CCDC80: variants seen among roughly 807,000 people sequenced by gnomAD.
CCDC80 encodes the protein coiled-coil domain-containing protein 80.
A neutral mutation model predicts 78.7 loss-of-function variants in CCDC80; 49 were observed. The observed-to-expected ratio is 0.62, with a 90% CI of 0.50 to 0.79. The LOEUF (loss-of-function observed/expected upper bound fraction) is 0.79. CCDC80 is among the 30% of genes least tolerant of loss of function. The probability of loss-of-function intolerance (pLI) is 0.00; values close to 1 mark genes in which losing one functional copy is unlikely to be tolerated. For synonymous variants in CCDC80, 488 were observed against 447.0 expected (o/e 1.09, Z -1.16); for missense variants, 1,205 against 1,198.6 (o/e 1.01, Z -0.08).
chr3:112,607,328 A>T, intron 6 of CCDC80, 72 bp from the exon 7 acceptor site: 1 of 1,069,540 alleles, frequency 9.3e-7, no homozygotes, highest in Non-Finnish European at 1.4e-6. Context: ...AAGCCCTGAT[A>T]TCTGACAATT....
Position 112,599,092 on chromosome 3 carries a change from G to C in CCDC80, c.*6325C>G, listed in dbSNP as rs1935332224. ...CAAATGTCACAAACTTAGGAACTTA[G>C]GTATCTAGTCTTCTCTGTCATTTTG... On this transcript the variant is annotated 3_prime_UTR_variant, in exon 8 of 8. Coordinates refer to ENST00000206423, the MANE Select transcript of CCDC80 (RefSeq NM_199511.3). The C allele has an allele frequency of 2.0e-5, 3 of 152,124 alleles. No homozygotes were observed. The highest frequency in any genetic ancestry group is 1.3e-4 in the Admixed American group (2 of 15,266). 9.4% of individuals were successfully genotyped at this position (152,124 alleles called of 1,614,324 possible). A position where few individuals can be genotyped will look rare whatever the true frequency, so the allele number is the denominator to read the frequency against.
chr3:112,608,354 A>T (rs1259688731), intron 6 of CCDC80, among the ~76,000 whole-genome samples: 8 of 151,734 alleles, frequency 5.3e-5, no homozygotes, highest in African/African-American at 9.7e-5. Context: ...ATTCAAAAAA[A>T]TTTTTTTTTC....
In CCDC80 at chr3:112,638,519, A is replaced by G. The variant is rs937115514; in HGVS notation, c.1387T>C (p.Phe463Leu). The change falls in exon 2 of 8, where the codon TTC (phenylalanine) becomes CTC (leucine). Residue 463 changes from phenylalanine (F) to leucine (L), a missense_variant. Physicochemically the swap from Phe to Leu is conservative, Grantham distance 22. Transcript: ENST00000206423. ...CGCCTGTCCATGCGGTTGTCCCGGAAACGGCCTGGGCCAGCAGCCCTTGTG... is the reference window on the plus strand; with the variant it reads ...CGCCTGTCCATGCGGTTGTCCCGGAGACGGCCTGGGCCAGCAGCCCTTGTG... Reference protein sequence around the residue: ...PSTRAAGPGRFRDNRMDRREH... With the variant: ...PSTRAAGPGRLRDNRMDRREH... 2 of 1,613,794 alleles carry G rather than the reference A, an allele frequency of 1.2e-6. No individual in the cohort carries two copies. Among genetic ancestry groups the G allele is most frequent in the Non-Finnish European group, 1.7e-6 (2 of 1,179,932 alleles).
At chr3:112,613,184 G>A (rs985773751) in intron 5 of CCDC80, among the ~76,000 whole-genome samples, 4 of 152,146 alleles carry the variant, frequency 2.6e-5, no homozygotes, top group Non-Finnish European at 4.4e-5. Flanking sequence ...CTAGTAAATA[G>A]AGGAACCTGG....
At chr3:112,627,272 A>G (rs377458650) in intron 3 of CCDC80, among the ~76,000 whole-genome samples, 8 of 152,214 alleles carry the variant, frequency 5.3e-5, no homozygotes, top group African/African-American at 1.9e-4. Context: ...ATCACTAACA[A>G]GAAAGAATGC....
rs1424479235 is a variant in CCDC80 at position 112,638,344 on chromosome 3, T to G, written c.1562A>C (p.Glu521Ala). The part of the protein sequence containing the change: ...DLSRPTASQL[E>A]DELQVGNVPL... ...AACATTCCCCACCTGCAGCTCGTCCTCCAGCTGAGAGGCAGTAGGCCGGCT... is the reference window on the plus strand; with the variant it reads ...AACATTCCCCACCTGCAGCTCGTCCGCCAGCTGAGAGGCAGTAGGCCGGCT... The change falls in exon 2 of 8, where the codon GAG (glutamate) becomes GCG (alanine). Residue 521 changes from glutamate (E) to alanine (A), a missense_variant. Physicochemically the swap from Glu to Ala is moderately radical, Grantham distance 107. Transcript: ENST00000206423. 1.2e-6 allele frequency: 2 copies of G among 1,614,068 alleles called. No individual in the cohort carries two copies. Among genetic ancestry groups the G allele is most frequent in the Non-Finnish European group, 1.7e-6 (2 of 1,180,040 alleles).
intron 6 of CCDC80, among the ~76,000 whole-genome samples, chr3:112,608,568 C>T (rs1935559707): frequency 6.6e-6 from 1 of 152,068 alleles, no homozygotes; most frequent in Non-Finnish European, 1.5e-5. Flanking sequence ...GATAAAGTAC[C>T]ACCAAATAGC....
Position 112,639,642 on chromosome 3 carries a change from T to C in CCDC80, c.264A>G (p.Pro88=), listed in dbSNP as rs545828720. Reference sequence around the variant, plus strand: ...TGTCCGAGCGGGCTGGCGGCTCTGTTGGGCGAGCTAGTCTCAACACGGGCA... The same window carrying C: ...TGTCCGAGCGGGCTGGCGGCTCTGTCGGGCGAGCTAGTCTCAACACGGGCA... ...RSVPVLRLAR[P]TEPPARSDIN... The change falls in exon 2 of 8, where the codon CCA becomes CCG. Residue 88 remains proline (P), a synonymous_variant. Coordinates refer to ENST00000206423, the MANE Select transcript of CCDC80 (RefSeq NM_199511.3). 4 of 1,614,120 alleles carry C rather than the reference T, an allele frequency of 2.5e-6. No homozygotes were observed. The highest frequency in any genetic ancestry group is 2.2e-5 in the South Asian group (2 of 91,078).
In CCDC80 at chr3:112,638,173, T is replaced by C; in HGVS notation, c.1733A>G (p.Gln578Arg). The C allele has an allele frequency of 6.2e-7, 1 of 1,613,964 alleles. No homozygotes were observed. The highest frequency in any genetic ancestry group is 8.5e-7 in the Non-Finnish European group (1 of 1,179,826). Reference protein sequence around the residue: ...QMKKSEKKSKQEKEKSKKKKG... With the variant: ...QMKKSEKKSKREKEKSKKKKG... ...TTTCTTCTTGCTCTTCTCTTTCTCT[T>C]GCTTGCTCTTTTTCTCAGACTTCTT... Residue 578 changes from glutamine (Q) to arginine (R), a missense_variant, in exon 2 of 8, where the codon CAA (glutamine) becomes CGA (arginine). By Grantham distance (43) the Gln-to-Arg change is conservative. Transcript: ENST00000206423.
intron 3 of CCDC80, 91 bp from the exon 4 acceptor site, chr3:112,619,195 C>T: frequency 8.4e-7 from 1 of 1,193,142 alleles, no homozygotes; most frequent in South Asian, 1.9e-5. Flanking sequence ...CCTAATCACA[C>T]CAGCCTTCAT....
At chr3:112,607,021 C>G (rs1047763125) in intron 7 of CCDC80, 155 bp downstream of exon 7, 42 of 551,696 alleles carry the variant, frequency 7.6e-5, no homozygotes, top group African/African-American at 7.5e-4. Flanking sequence ...ATATCCCGTG[C>G]ACACACAGGC....
At position 112,616,722 on chromosome 3, in the gene CCDC80, T is replaced by A. The variant is rs1234050824; in HGVS notation, c.2309A>T (p.Asn770Ile). The A allele has an allele frequency of 1.2e-6, 2 of 1,614,040 alleles. No individual in the cohort carries two copies. The highest frequency in any genetic ancestry group is 1.7e-6 in the Non-Finnish European group (2 of 1,180,014). Reference protein sequence around the residue: ...CKEDKKQSLENFLSRFRWRRR... With the variant: ...CKEDKKQSLEIFLSRFRWRRR... Reference sequence around the variant, plus strand: ...AAAGGTGATGTACCTGGATAGGAAGTTCTCCAGGGACTGCTTTTTGTCCTC... The same window carrying A: ...AAAGGTGATGTACCTGGATAGGAAGATCTCCAGGGACTGCTTTTTGTCCTC... Residue 770 changes from asparagine to isoleucine, a missense_variant, in exon 5 of 8, where the codon AAC becomes ATC. Transcript: ENST00000206423.
chr3:112,596,913 GCACACATATAC>G lies in CCDC80; in HGVS notation c.*8493_*8503del, dbSNP rs1935292549. On this transcript the variant is annotated 3_prime_UTR_variant, in exon 8 of 8. Coordinates refer to ENST00000206423, the MANE Select transcript of CCDC80 (RefSeq NM_199511.3). ...TTTAAGCTTCATAATGTCCTTATTT[GCACACATATAC>G]CACACTGCCTTCATTTTCTCCAGCT... The G allele has an allele frequency of 6.6e-6, 1 of 152,054 alleles. No homozygotes were observed. Among genetic ancestry groups the G allele is most frequent in the Admixed American group, 6.6e-5 (1 of 15,248 alleles). 9.4% of individuals were successfully genotyped at this position (152,054 alleles called of 1,614,324 possible).
intron 3 of CCDC80, among the ~76,000 whole-genome samples, chr3:112,619,544 G>A (rs1463311885): frequency 6.6e-6 from 1 of 152,058 alleles, no homozygotes; most frequent in Non-Finnish European, 1.5e-5. Context: ...CTCTTTTTTG[G>A]TATAGAATTA....
Position 112,639,625 on chromosome 3 carries a change from C to T in CCDC80, c.281G>A (p.Arg94His), listed in dbSNP as rs773846822. 2.5e-5 allele frequency: 40 copies of T among 1,613,988 alleles called. No homozygotes were observed. In the South Asian group the frequency reaches 4.3e-4, roughly 17 times the overall value. ...RLARPTEPPA[R>H]SDINGAAVRP... is the part of the protein sequence containing the mutation. ...CACGGCGGCCCCATTGATGTCCGAG[C>T]GGGCTGGCGGCTCTGTTGGGCGAGC... The change falls in exon 2 of 8, where the codon CGC becomes CAC. Residue 94 changes from arginine (R) to histidine (H), a missense_variant. Coordinates refer to ENST00000206423, the MANE Select transcript of CCDC80 (RefSeq NM_199511.3).
In CCDC80 at chr3:112,638,479, C is replaced by T. The variant is rs758136333; in HGVS notation, c.1427G>A (p.Arg476Gln). 17 of 1,613,550 alleles carry T rather than the reference C, an allele frequency of 1.1e-5. No individual in the cohort carries two copies. Among genetic ancestry groups the T allele is most frequent in the Middle Eastern group, 1.6e-4 (1 of 6,084 alleles). ...NRMDRREHGHRDPNVVPGPPK... is the reference protein window; with the variant it reads ...NRMDRREHGHQDPNVVPGPPK... ...AGGACCTGGCACCACATTTGGGTCT[C>T]GGTGGCCATGTTCCCGCCTGTCCAT... The change falls in exon 2 of 8, where the codon CGA (arginine) becomes CAA (glutamine). Residue 476 changes from arginine to glutamine, a missense_variant. Coordinates refer to ENST00000206423, the MANE Select transcript of CCDC80 (RefSeq NM_199511.3).
chr3:112,619,487 T>C (rs1246203008), intron 3 of CCDC80, among the ~76,000 whole-genome samples: 1 of 152,202 alleles, frequency 6.6e-6, no homozygotes, highest in Non-Finnish European at 1.5e-5. Context: ...TTTGTTAAGT[T>C]CTGTTTCCAT....
intron 3 of CCDC80, among the ~76,000 whole-genome samples, chr3:112,621,534 G>C (rs933797748): frequency 6.6e-6 from 1 of 152,192 alleles, no homozygotes; most frequent in Non-Finnish European, 1.5e-5. Context: ...AATGCTTACT[G>C]TATGTGCCAC....
rs1935365638 is a variant in CCDC80, at chr3:112,601,109, T to A, written c.*4308A>T. ...GAGTTCTAAAGTCACTTGAGCTTTC[T>A]GGAGCTCAGTTACCTGTAAAACAAG... On this transcript the variant is annotated 3_prime_UTR_variant, in exon 8 of 8. Coordinates refer to ENST00000206423, the MANE Select transcript of CCDC80 (RefSeq NM_199511.3). 6.6e-6 allele frequency: 1 copy of A among 152,222 alleles called. No individual in the cohort carries two copies. Among genetic ancestry groups the A allele is most frequent in the South Asian group, 2.1e-4 (1 of 4,836 alleles). 9.4% of individuals were successfully genotyped at this position (152,222 alleles called of 1,614,324 possible).
Sources: allele counts gnomAD v4.1 joint callset (sites outside exome capture counted in the v4.1 genomes callset), GRCh38; gene constraint gnomAD v4.1.1; transcripts MANE v1.5; gene names NCBI Gene and HGNC (gene_info 2026-07-23, HGNC 2026-07-21).